Variants in GRHL2 observed in about 807,000 individuals in gnomAD.
The protein encoded by GRHL2 is grainyhead like transcription factor 2.
GRHL2 carries 21 observed loss-of-function variants against 83.8 expected under a neutral mutation model. That is an observed-to-expected ratio of 0.25 (90% CI 0.18 to 0.36). The LOEUF (loss-of-function observed/expected upper bound fraction) is 0.36, where lower values mean the gene tolerates loss of function less well. Ranked by LOEUF, GRHL2 falls within the 10% of genes least tolerant of loss-of-function variation. GRHL2 has a pLI of 1.00. For missense variants in GRHL2, 623 were observed against 781.8 expected (o/e 0.80, Z 2.42); for synonymous variants, 280 against 278.9 (o/e 1.00, Z -0.04).
intron 1 of GRHL2, among the ~76,000 whole-genome samples, chr8:101,509,121 CCT>C (rs1810401055): frequency 3.3e-5 from 2 of 60,806 alleles, no homozygotes; most frequent in African/African-American, 9.2e-5. Context: ...TTCCTTCCTT[CCT>C]TCCTTCCTTC....
chr8:101,651,636 G>A (rs1813623337), intron 14 of GRHL2, among the ~76,000 whole-genome samples: 1 of 152,108 alleles, frequency 6.6e-6, no homozygotes, highest in Admixed American at 6.5e-5. Context: ...AGCAACCTCT[G>A]CCTACCCTCC....
Position 101,575,928 on chromosome 8 carries a change from C to T in GRHL2, c.892-1480C>T, listed in dbSNP as rs75824172. On this transcript the variant is annotated intron_variant, in intron 6 of 15. Coordinates refer to ENST00000646743, the MANE Select transcript of GRHL2 (RefSeq NM_024915.4). The stretch of plus-strand genomic sequence containing the variant: ...GATCTCACTGCTTGTGAATTCGAAA[C>T]GATATGGATACATATTTCTAAACAG... 2.1e-3 allele frequency among the ~76,000 whole-genome samples: 324 copies of T among 152,220 alleles called. 4 individuals carry two copies. In the East Asian group the frequency reaches 0.052, roughly 24 times the overall value.
rs185080212 is a variant in GRHL2 at position 101,606,735 on chromosome 8, G to A, written c.1098+7584G>A. The stretch of plus-strand genomic sequence containing the variant: ...ACTTACTATTTCTATAGAAAACCCA[G>A]CTCTCTTCCTTCTCTCACTTCCTCC... On this transcript the variant is annotated intron_variant, in intron 8 of 15. Coordinates refer to ENST00000646743, the MANE Select transcript of GRHL2 (RefSeq NM_024915.4). 5.3e-5 allele frequency among the ~76,000 whole-genome samples: 8 copies of A among 152,226 alleles called. No individual in the cohort carries two copies. In the East Asian group the frequency reaches 1.5e-3, roughly 29 times the overall value.
chr8:101,586,933 T>G (rs915604435), intron 7 of GRHL2, among the ~76,000 whole-genome samples: 1 of 152,220 alleles, frequency 6.6e-6, no homozygotes, highest in Admixed American at 6.5e-5. Flanking sequence ...TATATTTTAT[T>G]GTACTATAAA....
the GRHL2 span, among the ~76,000 whole-genome samples, chr8:101,675,409 C>A: frequency 1.3e-5 from 2 of 151,986 alleles, no homozygotes; most frequent in Non-Finnish European, 2.9e-5. Flanking sequence ...TTCTTATACA[C>A]CAATAACAGA....
In GRHL2 at chr8:101,509,148, TCC is replaced by T. The variant is rs1491119147; in HGVS notation, c.20+16360_20+16361del. On this transcript the variant is annotated intron_variant, in intron 1 of 15. Coordinates refer to ENST00000646743, the MANE Select transcript of GRHL2 (RefSeq NM_024915.4). ...TTCCTTCCTTCCTTCCTTCCTTCCT[TCC>T]TTCCTTCCTTTCTTTCTTTCTTTTT... Among the ~76,000 whole-genome samples, 319 of 75,764 alleles carry T rather than the reference TCC, an allele frequency of 4.2e-3. 2 individuals carry two copies. Among genetic ancestry groups the T allele is most frequent in the African/African-American group, 8.1e-3 (225 of 27,692 alleles). The allele number at this position is 75,764 out of a possible 152,430, so 49.7% of individuals were successfully genotyped here. A position where few individuals can be genotyped will look rare whatever the true frequency, so the allele number is the denominator to read the frequency against.
At chr8:101,676,381 C>A in the GRHL2 span, among the ~76,000 whole-genome samples, 1 of 150,700 alleles carries the variant, frequency 6.6e-6, no homozygotes, top group Non-Finnish European at 1.5e-5. Flanking sequence ...ACAAACAACC[C>A]CATCAAAAAG....
chr8:101,552,407 C>T (rs138684627), intron 2 of GRHL2, among the ~76,000 whole-genome samples: 54 of 152,326 alleles, frequency 3.5e-4, no homozygotes, highest in Non-Finnish European at 3.7e-4. Context: ...GCTCCTCTCC[C>T]CTCTTACACT....
chr8:101,540,667 A>T (rs1382425172), intron 1 of GRHL2, among the ~76,000 whole-genome samples: 1 of 152,174 alleles, frequency 6.6e-6, no homozygotes, highest in Non-Finnish European at 1.5e-5. Context: ...CAGCACACAA[A>T]GGGCCCTTGA....
intron 7 of GRHL2, among the ~76,000 whole-genome samples, chr8:101,587,327 A>G (rs918887806): frequency 1.3e-4 from 20 of 152,196 alleles, no homozygotes; most frequent in Non-Finnish European, 2.6e-4. Context: ...GCTTGAAGAG[A>G]CCTCTGAGAG....
chr8:101,652,068 G>C (rs1003140315), intron 14 of GRHL2, among the ~76,000 whole-genome samples: 2 of 152,050 alleles, frequency 1.3e-5, no homozygotes, highest in East Asian at 1.9e-4. Context: ...GAATTGTCAA[G>C]AACAGTGGCT....
chr8:101,566,683 A>T (rs1811725602), intron 4 of GRHL2, among the ~76,000 whole-genome samples: 1 of 150,884 alleles, frequency 6.6e-6, no homozygotes, highest in Non-Finnish European at 1.5e-5. Flanking sequence ...CTAACTTATG[A>T]TCCTCCCCCA....
intron 9 of GRHL2, among the ~76,000 whole-genome samples, chr8:101,627,802 G>C (rs1405866592): frequency 6.6e-6 from 1 of 152,084 alleles, no homozygotes; most frequent in Admixed American, 6.6e-5. Flanking sequence ...CCCTACTGCT[G>C]TTGTGGAGAA....
chr8:101,632,246 G>A lies in GRHL2; in HGVS notation c.1366G>A (p.Ala456Thr). The A allele has an allele frequency of 1.2e-6, 2 of 1,614,016 alleles. No homozygotes were observed. The highest frequency in any genetic ancestry group is 2.2e-5 in the East Asian group (1 of 44,888). ...CNSSSDGKLAAIPLQKKSDIT... is the reference protein window; with the variant it reads ...CNSSSDGKLATIPLQKKSDIT... ...TCCAGCCTCTGATGGGAAGTTGGCT[G>A]CCATACCTTTACAGAAGAAGAGTGA... The change falls in exon 11 of 16, where the codon GCC (alanine) becomes ACC (threonine). Residue 456 changes from alanine (A) to threonine (T), a missense_variant. Transcript: ENST00000646743.
At chr8:101,622,362 G>GTAAC (rs1812983316) in intron 9 of GRHL2, among the ~76,000 whole-genome samples, 2 of 152,104 alleles carry the variant, frequency 1.3e-5, no homozygotes, top group African/African-American at 4.8e-5. Flanking sequence ...GGGGACTCTA[G>GTAAC]TAGTCAACAA....
At chr8:101,573,962 G>C in intron 6 of GRHL2, 138 bp downstream of exon 6, 1 of 989,200 alleles carries the variant, frequency 1.0e-6, no homozygotes, top group Non-Finnish European at 1.5e-6. Context: ...AGAGAGTTGG[G>C]GCAAGAGCAC....
intron 2 of GRHL2, among the ~76,000 whole-genome samples, chr8:101,546,866 T>G (rs1811277253): frequency 6.6e-6 from 1 of 152,236 alleles, no homozygotes; most frequent in Non-Finnish European, 1.5e-5. Flanking sequence ...AGTTGAAATA[T>G]TGCTTTCTGT....
intron 4 of GRHL2, among the ~76,000 whole-genome samples, chr8:101,566,528 C>A (rs954390384): frequency 3.4e-5 from 5 of 148,872 alleles, no homozygotes; most frequent in African/African-American, 1.2e-4. Context: ...CTCTTCTGAA[C>A]TAATATTTAT....
At chr8:101,661,365 A>AATC (rs1813917272) in intron 14 of GRHL2, among the ~76,000 whole-genome samples, 1 of 152,082 alleles carries the variant, frequency 6.6e-6, no homozygotes, top group Non-Finnish European at 1.5e-5. Context: ...CTCTTTTGTG[A>AATC]ATCTAGTGGT....
Sources: allele counts gnomAD v4.1 joint callset (sites outside exome capture counted in the v4.1 genomes callset), GRCh38; gene constraint gnomAD v4.1.1; transcripts MANE v1.5; gene names NCBI Gene and HGNC (gene_info 2026-07-23, HGNC 2026-07-21).